The following DUX4 variants were observed in gnomAD, a reference collection of about 807,000 sequenced individuals.
The protein encoded by DUX4 is double homeobox protein 4.
chr4:190,178,586 A>AAC (rs1742435480), downstream of DUX4, among the ~76,000 whole-genome samples: 4 of 127,886 alleles, frequency 3.1e-5, no homozygotes, highest in Admixed American at 7.7e-5. Context: ...GGTAGACAAG[A>AAC]GTTACATCAC....
At chr4:190,178,566 G>GCGGAGATATGTCACAAGGCTCCTT (rs1742433641), downstream of DUX4, among the ~76,000 whole-genome samples, 1 of 122,494 alleles carries the variant, frequency 8.2e-6, no homozygotes, top group Non-Finnish European at 1.8e-5. Flanking sequence ...AACGCCCCCT[G>GCGGAGATATGTCACAAGGCTCCTT]TAGGCAGAGG....
At chr4:190,179,008 T>A (rs1742470977), downstream of DUX4, among the ~76,000 whole-genome samples, 11 of 135,100 alleles carry the variant, frequency 8.1e-5, no homozygotes, top group Middle Eastern at 3.7e-3. Context: ...ATCACCTGGA[T>A]GATTAGTGCA....
chr4:190,180,051 CA>C (rs1742527745), downstream of DUX4, among the ~76,000 whole-genome samples: 12 of 136,072 alleles, frequency 8.8e-5, no homozygotes, highest in Non-Finnish European at 1.4e-4. Context: ...AGATATGTCA[CA>C]TTGCCCCCAT....
At chr4:190,176,244 C>T (rs1348803667), downstream of DUX4, among the ~76,000 whole-genome samples, 1 of 113,784 alleles carries the variant, frequency 8.8e-6, no homozygotes, top group African/African-American at 2.6e-5. Context: ...CCCCTGTAGA[C>T]AAAGCCCAGA....
At chr4:190,180,150 G>T (rs1742534086), downstream of DUX4, among the ~76,000 whole-genome samples, 22 of 94,528 alleles carry the variant, frequency 2.3e-4, no homozygotes, top group Non-Finnish European at 3.0e-4. Flanking sequence ...CTAGAGAAGA[G>T]TCCCATCACC....
At chr4:190,179,494 GCAGAGA>G (rs1742498027), downstream of DUX4, among the ~76,000 whole-genome samples, 1 of 121,658 alleles carries the variant, frequency 8.2e-6, no homozygotes, top group Non-Finnish European at 1.9e-5. Context: ...GGTGATCAGT[GCAGAGA>G]TATGTCACAA....
At chr4:190,178,231 G>C (rs1742411894), downstream of DUX4, among the ~76,000 whole-genome samples, 7 of 151,876 alleles carry the variant, frequency 4.6e-5, no homozygotes, top group East Asian at 5.8e-4. Context: ...TGTAGGCAGA[G>C]CATAGAGAAG....
downstream of DUX4, among the ~76,000 whole-genome samples, chr4:190,180,115 TGACAA>T (rs1742532001): frequency 1.1e-5 from 1 of 93,092 alleles, no homozygotes; most frequent in Non-Finnish European, 2.3e-5. Flanking sequence ...CAGAAATATG[TGACAA>T]TGCCGCCAGT....
chr4:190,180,009 C>T (rs1742524749), downstream of DUX4, among the ~76,000 whole-genome samples: 6,721 of 93,490 alleles, frequency 0.072, 23 homozygotes, highest in Non-Finnish European at 0.085. Flanking sequence ...AGAGCTTAAA[C>T]TAGAGTTACA....
At chr4:190,181,335 CTCT>C (rs1742565583) in intron 1 of DUX4, among the ~76,000 whole-genome samples, 20 of 626 alleles carry the variant, frequency 0.032, no homozygotes, top group Non-Finnish European at 0.063. Flanking sequence ...CCTGGGTGAT[CTCT>C]GCAAAGATAT....
downstream of DUX4, among the ~76,000 whole-genome samples, chr4:190,178,927 T>TTCTCACAATG (rs1742464061): frequency 7.3e-6 from 1 of 137,020 alleles, no homozygotes; most frequent in Non-Finnish European, 1.6e-5. Flanking sequence ...AAGACAAGAG[T>TTCTCACAATG]CCGTCTCCTG....
chr4:190,177,447 A>AGATATCTGT (rs1742367881), downstream of DUX4, among the ~76,000 whole-genome samples: 1 of 150,604 alleles, frequency 6.6e-6, no homozygotes, highest in Admixed American at 6.6e-5. Context: ...TGATCAGTGC[A>AGATATCTGT]AAGATATGTC....
At chr4:190,178,718 GAGTTACA>G (rs2126574793), downstream of DUX4, among the ~76,000 whole-genome samples, 1 of 150,664 alleles carries the variant, frequency 6.6e-6, no homozygotes, top group South Asian at 2.1e-4. Context: ...GAGCTTAGAT[GAGTTACA>G]TCACCTGGGT....
At chr4:190,179,570 A>G (rs1742504076), downstream of DUX4, among the ~76,000 whole-genome samples, 11 of 152,250 alleles carry the variant, frequency 7.2e-5, no homozygotes, top group Admixed American at 1.3e-4. Flanking sequence ...GTGCAGTGAT[A>G]TGTCACAATG....
rs1742254983 is a variant in DUX4 at position 190,175,623 on chromosome 4, T to C, written c.*237-24T>C. On this transcript the variant is annotated intron_variant, in intron 1 of 1. Transcript: ENST00000565211. ...TGGCGGTCAAAAGCATACCTCTGTC[T>C]GTCTTTGCCCGCTTCCTGGCTAGAC... 5 of 163,508 alleles carry C rather than the reference T, an allele frequency of 3.1e-5. 1 individual carries two copies. In the South Asian group the frequency reaches 5.0e-4, roughly 16 times the overall value. 10.1% of individuals were successfully genotyped at this position (163,508 alleles called of 1,614,324 possible). A position where few individuals can be genotyped will look rare whatever the true frequency, so the allele number is the denominator to read the frequency against.
downstream of DUX4, among the ~76,000 whole-genome samples, chr4:190,178,926 GTCCGTCTCCTGGGTGATCAGTGCAGAA>G (rs1742464019): frequency 1.0e-5 from 1 of 98,854 alleles, no homozygotes; most frequent in African/African-American, 3.4e-5. Flanking sequence ...CAAGACAAGA[GTCCGTCTCCTGGGTGATCAGTGCAGAA>G]ATACGTCACA....
chr4:190,180,081 A>AGTCG (rs1742530150), downstream of DUX4, among the ~76,000 whole-genome samples: 23 of 1,536 alleles, frequency 0.015, no homozygotes, highest in African/African-American at 0.032. Flanking sequence ...CCAAGACAAG[A>AGTCG]GTCAGTCACC....
chr4:190,179,792 G>GT (rs1742512395), downstream of DUX4, among the ~76,000 whole-genome samples: 3 of 25,328 alleles, frequency 1.2e-4, no homozygotes, highest in African/African-American at 6.7e-4. Context: ...TGCCCCTGTA[G>GT]GCAAGCCTAC....
chr4:190,177,194 C>CAGAGCCTAGATAAATGTTACA (rs1742350391), downstream of DUX4, among the ~76,000 whole-genome samples: 5 of 97,064 alleles, frequency 5.2e-5, no homozygotes, highest in South Asian at 3.6e-4. Context: ...CAAAACGCCC[C>CAGAGCCTAGATAAATGTTACA]TGTAGGCAGA....
Sources: gnomAD v4.1 joint callset for allele counts (sites outside exome capture counted in the v4.1 genomes callset) on GRCh38, gnomAD v4.1.1 for gene constraint, MANE v1.5 for transcripts, NCBI Gene and HGNC (gene_info 2026-07-23, HGNC 2026-07-21) for gene names.